RBKS: variants seen among roughly 807,000 people sequenced by gnomAD.
RBKS encodes the protein ribokinase.
In RBKS, 33 loss-of-function variants were observed where a neutral mutation model predicts 33.9. That is an observed-to-expected ratio of 0.97 (90% CI 0.74 to 1.30). RBKS has a LOEUF of 1.30. RBKS is among the 50% of genes most tolerant of loss of function. The pLI is 0.00. For synonymous variants in RBKS, 125 were observed against 143.0 expected (o/e 0.87, Z 0.90); for missense variants, 361 against 392.6 (o/e 0.92, Z 0.68).
intron 7 of RBKS, among the ~76,000 whole-genome samples, chr2:27,789,894 G>GTA (rs1234810222): frequency 1.8e-4 from 26 of 140,806 alleles, no homozygotes; most frequent in Non-Finnish European, 3.4e-4. Context: ...GTGTGTGTGT[G>GTA]TATAGAGTGT....
chr2:27,810,013 T>A lies in RBKS; in HGVS notation c.795+17554A>T. The A allele has an allele frequency of 7.7e-7, 1 of 1,304,344 alleles. No individual in the cohort carries two copies. The highest frequency in any genetic ancestry group is 1.5e-5 in the African/African-American group (1 of 66,012). The allele number at this position is 1,304,344 out of a possible 1,614,324, so 80.8% of individuals were successfully genotyped here. A position where few individuals can be genotyped will look rare whatever the true frequency, so the allele number is the denominator to read the frequency against. ...AATGTTTCTGCTTCTTCACACTTGC[T>A]GCTTCACTCTTGGGTCTTGAGCCAG... On this transcript the variant is annotated intron_variant, in intron 7 of 7. Coordinates refer to ENST00000302188, the MANE Select transcript of RBKS (RefSeq NM_022128.3). This position sits in a 1 kb window ranked among gnomAD's most constrained non-coding sequence, Gnocchi z 4.4.
chr2:27,785,652 A>T (rs1462274680), intron 7 of RBKS, among the ~76,000 whole-genome samples: 5 of 151,908 alleles, frequency 3.3e-5, no homozygotes, highest in Admixed American at 1.3e-4. Flanking sequence ...AATCCCAGCC[A>T]CTTGGGAGGC....
At chr2:27,854,671 T>G (rs1015873013) in intron 2 of RBKS, among the ~76,000 whole-genome samples, 4 of 152,106 alleles carry the variant, frequency 2.6e-5, no homozygotes, top group Non-Finnish European at 5.9e-5. Flanking sequence ...ATATAGTTGC[T>G]AACAGCCCAT....
In RBKS at chr2:27,787,933, C is replaced by T. The variant is rs139498404; in HGVS notation, c.796-6145G>A. On this transcript the variant is annotated intron_variant, in intron 7 of 7. Coordinates refer to ENST00000302188, the MANE Select transcript of RBKS (RefSeq NM_022128.3). ...CCAAGTAGAATTTATCCCAGGAATGCAAGATTGGTTTAACATTTTAAAAAA... is the reference window on the plus strand; with the variant it reads ...CCAAGTAGAATTTATCCCAGGAATGTAAGATTGGTTTAACATTTTAAAAAA... Among the ~76,000 whole-genome samples the T allele has an allele frequency of 3.9e-5, 6 of 152,106 alleles. No homozygotes were observed. In the East Asian group the frequency reaches 1.2e-3, roughly 29 times the overall value.
chr2:27,827,498 C>T lies in RBKS; in HGVS notation c.795+69G>A. On this transcript the variant is annotated intron_variant, in intron 7 of 7. Transcript: ENST00000302188. ...GTTTCATTATCCAAAAATTCAGGTA[C>T]AGCATCTAATTAGTTACTAAGTAAC... 4 of 1,356,530 alleles carry T rather than the reference C, an allele frequency of 2.9e-6. No individual in the cohort carries two copies. The East Asian group carries it at 7.6e-5, about 26-fold the overall frequency. 84.0% of individuals were successfully genotyped at this position (1,356,530 alleles called of 1,614,324 possible). A position where few individuals can be genotyped will look rare whatever the true frequency, so the allele number is the denominator to read the frequency against.
At chr2:27,848,810 T>C (rs889019154) in intron 2 of RBKS, among the ~76,000 whole-genome samples, 24 of 145,212 alleles carry the variant, frequency 1.7e-4, no homozygotes, top group African/African-American at 6.1e-4. Context: ...CACTGCACTA[T>C]AGTCTGGGTG....
intron 1 of RBKS, among the ~76,000 whole-genome samples, chr2:27,880,214 A>G (rs1301208054): frequency 6.6e-6 from 1 of 152,210 alleles, no homozygotes; most frequent in Non-Finnish European, 1.5e-5. Flanking sequence ...CTTTCCATAA[A>G]ATGAACACTG....
In RBKS at chr2:27,840,485, G is replaced by C. The variant is rs528026671; in HGVS notation, c.514+2582C>G. On this transcript the variant is annotated intron_variant, in intron 5 of 7. Coordinates refer to ENST00000302188, the MANE Select transcript of RBKS (RefSeq NM_022128.3). Reference sequence around the variant, plus strand: ...TTGGCCAGAGAAAGCCACCGGACTGGAGGAGTAATGGACACATGAGTGTGT... The same window carrying C: ...TTGGCCAGAGAAAGCCACCGGACTGCAGGAGTAATGGACACATGAGTGTGT... Among the ~76,000 whole-genome samples, 12 of 152,068 alleles carry C rather than the reference G, an allele frequency of 7.9e-5. No homozygotes were observed. The South Asian group carries it at 2.5e-3, about 32-fold the overall frequency.
chr2:27,875,019 G>T (rs574720439), intron 1 of RBKS, among the ~76,000 whole-genome samples: 1 of 152,054 alleles, frequency 6.6e-6, no homozygotes, highest in African/African-American at 2.4e-5. Context: ...CAGAAAAATG[G>T]ACAAAGGACC....
chr2:27,889,040 T>G (rs1422700798), intron 1 of RBKS, among the ~76,000 whole-genome samples: 2 of 152,270 alleles, frequency 1.3e-5, no homozygotes, highest in Non-Finnish European at 2.9e-5. Flanking sequence ...AAAATTCTTT[T>G]GTTGCTTCTT....
chr2:27,785,905 T>C (rs1677389141), intron 7 of RBKS, among the ~76,000 whole-genome samples: 1 of 152,250 alleles, frequency 6.6e-6, no homozygotes, highest in African/African-American at 2.4e-5. Flanking sequence ...TGCATTATTT[T>C]CAAAGGCAAA....
intron 1 of RBKS, among the ~76,000 whole-genome samples, chr2:27,878,611 C>T (rs1664363525): frequency 6.6e-6 from 1 of 152,050 alleles, no homozygotes; most frequent in African/African-American, 2.4e-5. Context: ...GCCACACTGA[C>T]TTCCACAATG....
intron 7 of RBKS, among the ~76,000 whole-genome samples, chr2:27,794,668 G>A (rs2148185464): frequency 6.7e-6 from 1 of 149,044 alleles, no homozygotes; most frequent in South Asian, 2.1e-4. Flanking sequence ...TTGTTGCCCA[G>A]GCTGGAGTGC....
At chr2:27,864,168 G>A (rs1417564882) in intron 1 of RBKS, among the ~76,000 whole-genome samples, 2 of 151,446 alleles carry the variant, frequency 1.3e-5, no homozygotes, top group African/African-American at 2.4e-5. Flanking sequence ...CTAGGACTAC[G>A]GGGGCACACA....
intron 5 of RBKS, among the ~76,000 whole-genome samples, chr2:27,838,706 T>C (rs1325738592): frequency 2.6e-5 from 4 of 152,172 alleles, no homozygotes; most frequent in Admixed American, 6.5e-5. Context: ...AAATCTGTAA[T>C]AGACAAGGTG....
At chr2:27,870,933 A>T (rs1558556107) in intron 1 of RBKS, 1 of 456,428 alleles carries the variant, frequency 2.2e-6, no homozygotes, top group Admixed American at 2.3e-5. Flanking sequence ...TGCCTTGTCA[A>T]CATCGGTAGA....
intron 7 of RBKS, among the ~76,000 whole-genome samples, chr2:27,797,709 A>G (rs2148186873): frequency 6.6e-6 from 1 of 152,276 alleles, no homozygotes; most frequent in Non-Finnish European, 1.5e-5. Context: ...AACATGAACT[A>G]GCGTTGTCCT....
chr2:27,871,356 A>G (rs1177501515), intron 1 of RBKS, among the ~76,000 whole-genome samples: 1 of 152,208 alleles, frequency 6.6e-6, no homozygotes, highest in Non-Finnish European at 1.5e-5. Flanking sequence ...TGAAGGTTTC[A>G]TGGCTTCGTT....
chr2:27,787,006 T>C (rs1677418268), intron 7 of RBKS, among the ~76,000 whole-genome samples: 1 of 152,140 alleles, frequency 6.6e-6, no homozygotes, highest in African/African-American at 2.4e-5. Flanking sequence ...TTCTTTCTTT[T>C]GAGATACGGT....
Sources: gnomAD v4.1 joint callset for allele counts (sites outside exome capture counted in the v4.1 genomes callset) on GRCh38, gnomAD v4.1.1 for gene constraint, Gnocchi (gnomAD v3.1) non-coding constraint, MANE v1.5 for transcripts, NCBI Gene and HGNC (gene_info 2026-07-23, HGNC 2026-07-21) for gene names.